ME1: variants seen among roughly 807,000 people sequenced by gnomAD.
ME1 encodes the protein NADP-dependent malic enzyme.
Under a neutral mutation model 66.4 loss-of-function variants are expected in ME1, and 74 were observed. That is an observed-to-expected ratio of 1.11 (90% CI 0.92 to 1.35). The LOEUF is 1.35. Among genes scored for constraint, ME1 ranks in the 40% most tolerant of loss-of-function variants. The probability of loss-of-function intolerance (pLI) is 0.00; values close to 1 mark genes in which losing one functional copy is unlikely to be tolerated. For synonymous variants in ME1, 251 were observed against 235.6 expected, an observed-to-expected ratio of 1.07 and a Z score of -0.60; for missense variants, 750 against 694.1, an observed-to-expected ratio of 1.08 and a Z score of -0.90.
rs1378375952 is a variant in ME1 at position 83,301,328 on chromosome 6, CTCTCTCTCTCTT to C, written c.704+13970_704+13981del. On this transcript the variant is annotated intron_variant, in intron 6 of 13. Transcript: ENST00000369705. ...TCTTTCTTTCTTTCTCTCTCTCTCTCTCTCTCTCTCTTTCTTTCTTTCTTTCTTTCTTGAGAT... is the reference window on the plus strand; with the variant it reads ...TCTTTCTTTCTTTCTCTCTCTCTCTCTCTTTCTTTCTTTCTTTCTTGAGAT... Among the ~76,000 whole-genome samples, 33 of 139,168 alleles carry C rather than the reference CTCTCTCTCTCTT, an allele frequency of 2.4e-4. No individual in the cohort carries two copies. The South Asian group carries it at 3.1e-3, about 13-fold the overall frequency. 91.3% of individuals were successfully genotyped at this position (139,168 alleles called of 152,430 possible).
At chr6:83,323,901 A>G (rs1165095914) in intron 5 of ME1, among the ~76,000 whole-genome samples, 1 of 152,150 alleles carries the variant, frequency 6.6e-6, no homozygotes, top group East Asian at 1.9e-4. Flanking sequence ...TTAGCACCAC[A>G]CAGCACTTAT....
Position 83,398,467 on chromosome 6 carries a change from TA to T in ME1, c.261del (p.Tyr87Ter). Reference sequence around the variant, plus strand: ...TTCTCAATGTCAGATGTCAGCACTCTATAAAAGAGTTTTTCATTTCTATCTT... The same window carrying T: ...TTCTCAATGTCAGATGTCAGCACTCTTAAAAGAGTTTTTCATTTCTATCTT... ...DLQDRNEKLF[Y>X]RVLTSDIEKF... On this transcript the variant is annotated frameshift_variant, in exon 3 of 14. Coordinates refer to ENST00000369705, the MANE Select transcript of ME1 (RefSeq NM_002395.6). LOFTEE classifies it high-confidence loss of function. 1 of 1,584,370 alleles carries T rather than the reference TA, an allele frequency of 6.3e-7. No homozygotes were observed. Among genetic ancestry groups the T allele is most frequent in the Non-Finnish European group, 8.6e-7 (1 of 1,161,080 alleles).
At chr6:83,302,795 A>G (rs1204041708) in intron 6 of ME1, among the ~76,000 whole-genome samples, 6 of 152,186 alleles carry the variant, frequency 3.9e-5, no homozygotes, top group Non-Finnish European at 1.5e-5. Flanking sequence ...TATTTATACA[A>G]TGGTGTAAAG....
chr6:83,228,914 T>A lies in ME1; in HGVS notation c.1044A>T (p.Thr348=). 6.2e-7 allele frequency: 1 copy of A among 1,611,554 alleles called. No homozygotes were observed. The highest frequency in any genetic ancestry group is 8.5e-7 in the Non-Finnish European group (1 of 1,179,238). Residue 348 remains threonine (T), a synonymous_variant, in exon 10 of 14, where the codon ACA becomes ACT. Coordinates refer to ENST00000369705, the MANE Select transcript of ME1 (RefSeq NM_002395.6). ...CATGGGCAAACTTCTCTTTCTCTTG[T>A]GTTAAGGAAGCACGTCCCTAAGTAA... The part of the protein sequence containing the change: ...GLIVKGRASL[T]QEKEKFAHEH...
intron 12 of ME1, among the ~76,000 whole-genome samples, chr6:83,218,960 T>C (rs1225524525): frequency 1.3e-5 from 2 of 152,210 alleles, no homozygotes; most frequent in African/African-American, 4.8e-5. Flanking sequence ...AGATGTTTAA[T>C]TGTTGTTCAC....
intron 12 of ME1, among the ~76,000 whole-genome samples, chr6:83,221,931 C>T (rs1790098516): frequency 6.6e-6 from 1 of 152,010 alleles, no homozygotes; most frequent in African/African-American, 2.4e-5. Flanking sequence ...GAGATGCAGC[C>T]AGAGAGATCA....
intron 6 of ME1, among the ~76,000 whole-genome samples, chr6:83,314,655 G>A (rs1413989258): frequency 3.3e-5 from 5 of 151,542 alleles, no homozygotes; most frequent in African/African-American, 1.2e-4. Context: ...TGTAGATATG[G>A]GTACCATCTC....
At chr6:83,423,210 G>A (rs1258420640) in intron 1 of ME1, among the ~76,000 whole-genome samples, 2 of 137,260 alleles carry the variant, frequency 1.5e-5, no homozygotes, top group Non-Finnish European at 3.2e-5. Flanking sequence ...TTTTTTTTTA[G>A]GTCTTAAAGG....
At chr6:83,416,744 A>C (rs1770166533) in intron 1 of ME1, among the ~76,000 whole-genome samples, 1 of 151,884 alleles carries the variant, frequency 6.6e-6, no homozygotes, top group South Asian at 2.1e-4. Flanking sequence ...AAGTAGAAAA[A>C]AATTAGCTGG....
intron 10 of ME1, 98 bp from the exon 11 acceptor site, chr6:83,227,575 C>G: frequency 9.9e-7 from 1 of 1,009,338 alleles, no homozygotes; most frequent in African/African-American, 1.6e-5. Flanking sequence ...AGCTCATTTT[C>G]TAATAGACCC....
chr6:83,214,489 A>T (rs1370066766), intron 13 of ME1, among the ~76,000 whole-genome samples: 1 of 151,872 alleles, frequency 6.6e-6, no homozygotes, highest in Non-Finnish European at 1.5e-5. Context: ...CACAATTTCC[A>T]CTCCCATTCT....
chr6:83,217,168 A>T (rs1015576838), intron 12 of ME1, among the ~76,000 whole-genome samples: 2 of 152,170 alleles, frequency 1.3e-5, no homozygotes, highest in Non-Finnish European at 2.9e-5. Context: ...CTAGTTCCAA[A>T]TCAAACAGTG....
intron 3 of ME1, among the ~76,000 whole-genome samples, chr6:83,372,637 C>A (rs1470957521): frequency 6.6e-6 from 1 of 152,210 alleles, no homozygotes; most frequent in African/African-American, 2.4e-5. Context: ...GGTGAGGTAA[C>A]TTACACGACC....
chr6:83,364,040 T>C (rs1033068946), intron 3 of ME1, among the ~76,000 whole-genome samples: 8 of 152,154 alleles, frequency 5.3e-5, no homozygotes, highest in African/African-American at 1.4e-4. Context: ...CTTGATAGGA[T>C]TGAAAGATAC....
chr6:83,363,044 C>A (rs1036206925), intron 3 of ME1, among the ~76,000 whole-genome samples: 1 of 152,228 alleles, frequency 6.6e-6, no homozygotes, highest in Non-Finnish European at 1.5e-5. Context: ...CAGAAGGCCA[C>A]GGATACTCTG....
intron 6 of ME1, among the ~76,000 whole-genome samples, chr6:83,275,264 C>G (rs924509665): frequency 6.6e-6 from 1 of 151,376 alleles, no homozygotes; most frequent in African/African-American, 2.4e-5. Flanking sequence ...AACCTGGGAG[C>G]TGGAGGTTGC....
At chr6:83,413,220 C>T (rs1425066773) in intron 1 of ME1, among the ~76,000 whole-genome samples, 2 of 152,134 alleles carry the variant, frequency 1.3e-5, no homozygotes, top group Non-Finnish European at 2.9e-5. Context: ...CATGTTGCTC[C>T]AGACTAGGCT....
chr6:83,243,828 A>ATAATT (rs1176339802), intron 7 of ME1, among the ~76,000 whole-genome samples: 1 of 133,660 alleles, frequency 7.5e-6, no homozygotes, highest in African/African-American at 2.8e-5. Context: ...TATATAATAT[A>ATAATT]ATATATAATA....
chr6:83,352,626 T>C (rs974329689), intron 3 of ME1, among the ~76,000 whole-genome samples: 2 of 152,164 alleles, frequency 1.3e-5, no homozygotes, highest in Non-Finnish European at 2.9e-5. Context: ...TGCTGAGTAG[T>C]TCTTTCATGT....
Sources: gnomAD v4.1 joint callset for allele counts (sites outside exome capture counted in the v4.1 genomes callset) on GRCh38, gnomAD v4.1.1 for gene constraint, MANE v1.5 for transcripts, NCBI Gene and HGNC (gene_info 2026-07-23, HGNC 2026-07-21) for gene names.